ADGRG6: variants seen among roughly 807,000 people sequenced by gnomAD.
ADGRG6 encodes the protein G-protein coupled receptor 126.
Under a neutral mutation model 142.4 loss-of-function variants are expected in ADGRG6, and 84 were observed. The ratio of observed to expected loss-of-function variants is 0.59; its 90% CI spans 0.49 to 0.71. ADGRG6 has a LOEUF of 0.71. ADGRG6 is among the 30% of genes least tolerant of loss of function. The probability of loss-of-function intolerance (pLI) is 0.00; values close to 1 mark genes in which losing one functional copy is unlikely to be tolerated. For missense variants in ADGRG6, 1,367 were observed against 1,466.6 expected, an observed-to-expected ratio of 0.93 and a Z score of 1.11; for synonymous variants, 521 against 520.5, an observed-to-expected ratio of 1.00 and a Z score of -0.01.
chr6:142,418,489 G>A (rs1207624568), intron 21 of ADGRG6, among the ~76,000 whole-genome samples: 2 of 151,944 alleles, frequency 1.3e-5, no homozygotes, highest in East Asian at 1.9e-4. Context: ...TAAAAGAAAC[G>A]TTAGCTCTAG....
At chr6:142,351,390 A>G (rs1000331156) in intron 2 of ADGRG6, among the ~76,000 whole-genome samples, 6 of 152,186 alleles carry the variant, frequency 3.9e-5, no homozygotes, top group African/African-American at 1.4e-4. Flanking sequence ...AGAACCCTGA[A>G]ATAAAGCCGC....
intron 22 of ADGRG6, among the ~76,000 whole-genome samples, chr6:142,426,140 C>T (rs1776931902): frequency 1.3e-5 from 2 of 152,262 alleles, no homozygotes; most frequent in South Asian, 4.1e-4. Context: ...CCAACAGTCC[C>T]CCAAAGTCTT....
At chr6:142,320,081 T>C (rs1287392913) in intron 2 of ADGRG6, among the ~76,000 whole-genome samples, 4 of 152,080 alleles carry the variant, frequency 2.6e-5, no homozygotes, top group Admixed American at 2.6e-4. Context: ...AATGAACATA[T>C]GTAGTTTTGT....
At chr6:142,371,699 A>G (rs984877915) in intron 4 of ADGRG6, among the ~76,000 whole-genome samples, 1 of 151,776 alleles carries the variant, frequency 6.6e-6, no homozygotes, top group Non-Finnish European at 1.5e-5. Flanking sequence ...GTTAGCCAGG[A>G]TGGTCTCAAT....
At chr6:142,387,701 A>C (rs1334494654) in intron 6 of ADGRG6, among the ~76,000 whole-genome samples, 1 of 152,072 alleles carries the variant, frequency 6.6e-6, no homozygotes, top group Non-Finnish European at 1.5e-5. Context: ...TGTATTCTCC[A>C]AGAAACTCTG....
chr6:142,317,897 A>T (rs1240290705), intron 2 of ADGRG6, among the ~76,000 whole-genome samples: 49 of 74,198 alleles, frequency 6.6e-4, no homozygotes, highest in African/African-American at 2.9e-3. Context: ...TATATTATAT[A>T]TTTATATATA....
intron 2 of ADGRG6, among the ~76,000 whole-genome samples, chr6:142,341,754 A>G (rs574759913): frequency 2.6e-4 from 38 of 147,838 alleles, no homozygotes; most frequent in Admixed American, 2.5e-3. Flanking sequence ...AGACTTGGAC[A>G]AGTTGCACCC....
rs1776290634 is a variant in ADGRG6, at chr6:142,415,097, G to A, written c.2669+1G>A. Reference sequence around the variant, plus strand: ...CTCTCCTGACATATGTTGCTTTTGAGTAAGTATATTTTTAATCTGCCAAAC... The same window carrying A: ...CTCTCCTGACATATGTTGCTTTTGAATAAGTATATTTTTAATCTGCCAAAC... On this transcript the variant is annotated splice_donor_variant, in intron 19 of 24. Transcript: ENST00000367609. LOFTEE classifies it high-confidence loss of function. 6.2e-7 allele frequency: 1 copy of A among 1,607,954 alleles called. No individual in the cohort carries two copies.
chr6:142,376,184 A>G (rs190374925), intron 4 of ADGRG6, among the ~76,000 whole-genome samples: 1 of 152,206 alleles, frequency 6.6e-6, no homozygotes. Flanking sequence ...TATAGGTGCA[A>G]GTATTTATTT....
chr6:142,333,521 G>GT (rs34501968), intron 2 of ADGRG6, among the ~76,000 whole-genome samples: 18 of 151,896 alleles, frequency 1.2e-4, no homozygotes, highest in Admixed American at 3.3e-4. Context: ...ACTTAAAAAA[G>GT]TTTTTTTTAG....
Position 142,414,988 on chromosome 6 carries a change from C to T in ADGRG6, c.2561C>T (p.Ser854Leu), listed in dbSNP as rs201172357. ...ATGTAGGACCTTCCAAGAAGTGCCT[C>T]ACAGTTAGATGCAAGAAACACTAAA... is the stretch of plus-strand genomic sequence containing the variant. ...GVLMDLPRSA[S>L]QLDARNTKVL... Residue 854 changes from serine (S) to leucine (L), a missense_variant, in exon 19 of 25, where the codon TCA becomes TTA. By Grantham distance (145) the Ser-to-Leu change is moderately radical. This residue lies in a region of ADGRG6 where 286 missense variants were observed against 371.4 expected (regional missense o/e 0.77). Transcript: ENST00000367609. 337 of 1,611,140 alleles carry T rather than the reference C, an allele frequency of 2.1e-4. No homozygotes were observed. Among genetic ancestry groups the T allele is most frequent in the Non-Finnish European group, 2.6e-4 (307 of 1,178,554 alleles).
chr6:142,345,627 A>T lies in ADGRG6; in HGVS notation c.104-21942A>T, dbSNP rs376706392. Among the ~76,000 whole-genome samples the T allele has an allele frequency of 1.1e-4, 16 of 152,266 alleles. No homozygotes were observed. In the South Asian group the frequency reaches 3.3e-3, roughly 32 times the overall value. ...CTTCTCCCCCTAACAGCATGTAGTG[A>T]ATATACCCTGCAAGATGTTTTTATG... On this transcript the variant is annotated intron_variant, in intron 2 of 24. Coordinates refer to ENST00000367609, the MANE Select transcript of ADGRG6 (RefSeq NM_198569.3).
intron 6 of ADGRG6, among the ~76,000 whole-genome samples, chr6:142,389,463 G>A (rs1279381766): frequency 6.6e-6 from 1 of 151,754 alleles, no homozygotes; most frequent in Admixed American, 6.6e-5. Context: ...TAGCTACTTT[G>A]ACTAAAGCAC....
chr6:142,319,674 T>C (rs1778422014), intron 2 of ADGRG6, among the ~76,000 whole-genome samples: 1 of 152,114 alleles, frequency 6.6e-6, no homozygotes, highest in Non-Finnish European at 1.5e-5. Context: ...ATAACTTAAA[T>C]TTTTCCATAA....
At chr6:142,364,621 GTTA>G (rs952409615) in intron 2 of ADGRG6, among the ~76,000 whole-genome samples, 7 of 152,212 alleles carry the variant, frequency 4.6e-5, no homozygotes, top group African/African-American at 1.7e-4. Context: ...AGTGGTTGCT[GTTA>G]TTATCACCAG....
At chr6:142,304,759 ATGTT>A (rs1374817148) in intron 1 of ADGRG6, among the ~76,000 whole-genome samples, 1 of 152,198 alleles carries the variant, frequency 6.6e-6, no homozygotes, top group Admixed American at 6.5e-5. Flanking sequence ...ACTTTGTTCA[ATGTT>A]TGTGGTATGC....
Position 142,438,436 on chromosome 6 carries a change from T to C in ADGRG6, c.3574+72T>C, listed in dbSNP as rs1438628444. On this transcript the variant is annotated intron_variant, in intron 24 of 24. Coordinates refer to ENST00000367609, the MANE Select transcript of ADGRG6 (RefSeq NM_198569.3). Reference sequence around the variant, plus strand: ...TGCAAAAATTGGCATATCATGAAGATTGATAAATCACAGTGCCTAAGAGGG... The same window carrying C: ...TGCAAAAATTGGCATATCATGAAGACTGATAAATCACAGTGCCTAAGAGGG... 2.7e-5 allele frequency: 27 copies of C among 1,017,070 alleles called. No homozygotes were observed. In the South Asian group the frequency reaches 3.1e-4, roughly 12 times the overall value. The allele number at this position is 1,017,070 out of a possible 1,614,324, so 63.0% of individuals were successfully genotyped here. A position where few individuals can be genotyped will look rare whatever the true frequency, so the allele number is the denominator to read the frequency against.
chr6:142,328,056 A>G (rs1307256987), intron 2 of ADGRG6, among the ~76,000 whole-genome samples: 1 of 152,154 alleles, frequency 6.6e-6, no homozygotes, highest in Non-Finnish European at 1.5e-5. Flanking sequence ...CCTATGGGAA[A>G]ACAGAAACAA....
intron 2 of ADGRG6, among the ~76,000 whole-genome samples, chr6:142,319,715 G>T (rs1484843816): frequency 1.3e-5 from 2 of 151,996 alleles, no homozygotes; most frequent in Non-Finnish European, 2.9e-5. Flanking sequence ...CTTTAAAGCA[G>T]TTGTTTCAAG....
Sources: gnomAD v4.1 joint callset for allele counts (sites outside exome capture counted in the v4.1 genomes callset) on GRCh38, gnomAD v4.1.1 for gene constraint, gnomAD v4.1.1 regional missense constraint, MANE v1.5 for transcripts, NCBI Gene and HGNC (gene_info 2026-07-23, HGNC 2026-07-21) for gene names.